The following ATP8A2 variants were observed in gnomAD, a reference collection of about 807,000 sequenced individuals.
ATP8A2 encodes ATPase phospholipid transporting 8A2.
In ATP8A2, 100 loss-of-function variants were observed where a neutral mutation model predicts 165.6. The observed-to-expected ratio is 0.60, with a 90% CI of 0.51 to 0.71. ATP8A2 has a LOEUF of 0.71. Among genes scored for constraint, ATP8A2 ranks in the 30% least tolerant of loss-of-function variants. The pLI is 0.00. For missense variants in ATP8A2, 1,227 were observed against 1,479.5 expected, an observed-to-expected ratio of 0.83 and a Z score of 2.80; for synonymous variants, 543 against 548.8, an observed-to-expected ratio of 0.99 and a Z score of 0.15.
intron 27 of ATP8A2, among the ~76,000 whole-genome samples, chr13:25,801,220 C>T (rs569113195): frequency 6.6e-6 from 1 of 152,168 alleles, no homozygotes; most frequent in African/African-American, 2.4e-5. Context: ...AGTCTGCGCT[C>T]CCTCTTCTGG....
intron 29 of ATP8A2, among the ~76,000 whole-genome samples, chr13:25,839,077 A>T (rs1951695232): frequency 6.6e-6 from 1 of 152,182 alleles, no homozygotes; most frequent in Admixed American, 6.5e-5. Context: ...GCCATGTAAA[A>T]AGTTACAAGT....
intron 24 of ATP8A2, among the ~76,000 whole-genome samples, chr13:25,591,889 G>A (rs948728621): frequency 1.3e-5 from 2 of 152,088 alleles, no homozygotes; most frequent in Non-Finnish European, 2.9e-5. Flanking sequence ...AATTTTTGGG[G>A]ACATATACCC....
intron 2 of ATP8A2, among the ~76,000 whole-genome samples, chr13:25,486,216 G>A (rs1364892895): frequency 3.9e-5 from 6 of 152,096 alleles, no homozygotes; most frequent in Non-Finnish European, 7.4e-5. Context: ...TTTTTATCAT[G>A]TGTCATGCAC....
At chr13:25,411,139 A>C (rs574895431) in intron 1 of ATP8A2, among the ~76,000 whole-genome samples, 2 of 152,340 alleles carry the variant, frequency 1.3e-5, no homozygotes, top group South Asian at 2.1e-4. Context: ...AAACTTATAA[A>C]ATTTTTACAA....
At chr13:25,634,048 A>G (rs1295258128) in intron 24 of ATP8A2, among the ~76,000 whole-genome samples, 1 of 152,200 alleles carries the variant, frequency 6.6e-6, no homozygotes, top group African/African-American at 2.4e-5. Flanking sequence ...GGAAAAACCA[A>G]TTGACTATTA....
At chr13:25,439,568 G>GT (rs2034874035) in intron 1 of ATP8A2, among the ~76,000 whole-genome samples, 1 of 152,136 alleles carries the variant, frequency 6.6e-6, no homozygotes, top group Admixed American at 6.5e-5. Flanking sequence ...GCCACATATG[G>GT]TTTTGTTAAA....
chr13:25,608,267 C>G (rs1210353777), intron 24 of ATP8A2, among the ~76,000 whole-genome samples: 1 of 152,186 alleles, frequency 6.6e-6, no homozygotes, highest in East Asian at 1.9e-4. Flanking sequence ...GGGAGCAAAT[C>G]TCCACATGAG....
intron 10 of ATP8A2, among the ~76,000 whole-genome samples, chr13:25,549,408 C>T (rs561527597): frequency 6.7e-6 from 1 of 148,922 alleles, no homozygotes; most frequent in South Asian, 2.1e-4. Flanking sequence ...TGCAGTGAGC[C>T]GAGATCGCAC....
intron 2 of ATP8A2, among the ~76,000 whole-genome samples, chr13:25,518,938 G>A (rs1424066671): frequency 6.6e-6 from 1 of 152,154 alleles, no homozygotes; most frequent in Non-Finnish European, 1.5e-5. Context: ...CCTCTCCTGG[G>A]AAGCCTCCAG....
intron 1 of ATP8A2, among the ~76,000 whole-genome samples, chr13:25,378,192 A>G (rs2032707070): frequency 1.3e-5 from 2 of 151,744 alleles, no homozygotes; most frequent in African/African-American, 4.8e-5. Flanking sequence ...TGGGCCCAAT[A>G]TTACCATAGA....
intron 35 of ATP8A2, among the ~76,000 whole-genome samples, chr13:26,006,560 C>A (rs955390130): frequency 3.9e-5 from 6 of 151,972 alleles, no homozygotes; most frequent in Non-Finnish European, 8.8e-5. Context: ...AATAGAAGTG[C>A]TGAAAGTTGG....
At chr13:25,921,919 A>G (rs939132456) in intron 33 of ATP8A2, among the ~76,000 whole-genome samples, 2 of 152,228 alleles carry the variant, frequency 1.3e-5, no homozygotes, top group African/African-American at 2.4e-5. Flanking sequence ...TTTTCCTTCT[A>G]TAGTTTATTT....
At chr13:25,794,852 C>CAT (rs1271101148) in intron 27 of ATP8A2, among the ~76,000 whole-genome samples, 1 of 151,210 alleles carries the variant, frequency 6.6e-6, no homozygotes, top group Non-Finnish European at 1.5e-5. Context: ...CACACACACA[C>CAT]ACACACACCT....
In ATP8A2 at chr13:26,009,095, C is replaced by T. The variant is rs148050786; in HGVS notation, c.3378-3436C>T. ...TTTTTTATGGAAGGGAGAAGAATGG[C>T]GAGTATAAGGAATTTATATTTAAGA... On this transcript the variant is annotated intron_variant, in intron 35 of 36. Coordinates refer to ENST00000381655, the MANE Select transcript of ATP8A2 (RefSeq NM_016529.6). Among the ~76,000 whole-genome samples, 952 of 151,912 alleles carry T rather than the reference C, an allele frequency of 6.3e-3. 5 individuals are homozygous for T. The highest frequency in any genetic ancestry group is 0.027 in the Middle Eastern group (8 of 294).
rs559366000 is a variant in ATP8A2 at position 25,710,105 on chromosome 13, C to G, written c.2384+10760C>G. On this transcript the variant is annotated intron_variant, in intron 25 of 36. Coordinates refer to ENST00000381655, the MANE Select transcript of ATP8A2 (RefSeq NM_016529.6). ...GATAATGTTGTGGAGAAGGAGGAGACTTTTATTTTTTTTAATTTTTAATTT... is the reference window on the plus strand; with the variant it reads ...GATAATGTTGTGGAGAAGGAGGAGAGTTTTATTTTTTTTAATTTTTAATTT... Among the ~76,000 whole-genome samples the G allele has an allele frequency of 1.6e-4, 24 of 151,980 alleles. No individual in the cohort carries two copies. The East Asian group carries it at 4.3e-3, about 27-fold the overall frequency.
Position 26,023,498 on chromosome 13 carries a change from G to A in ATP8A2, c.*3513G>A, listed in dbSNP as rs905971757. ...AGTGAAAAATGCGGGGGGGTGGAAA[G>A]AGCCTAGGTAACTAATGTCTTATAA... is the stretch of plus-strand genomic sequence containing the variant. On this transcript the variant is annotated 3_prime_UTR_variant, in exon 37 of 37. Coordinates refer to ENST00000381655, the MANE Select transcript of ATP8A2 (RefSeq NM_016529.6). The A allele has an allele frequency of 2.0e-5, 3 of 152,186 alleles. No individual in the cohort carries two copies. Among genetic ancestry groups the A allele is most frequent in the Non-Finnish European group, 2.9e-5 (2 of 68,052 alleles). 9.4% of individuals were successfully genotyped at this position (152,186 alleles called of 1,614,324 possible).
At chr13:25,924,768 C>T (rs773823400) in intron 33 of ATP8A2, among the ~76,000 whole-genome samples, 21 of 152,096 alleles carry the variant, frequency 1.4e-4, no homozygotes, top group Admixed American at 2.6e-4. Context: ...TGGGAGGACC[C>T]GGTGGGAGGT....
At chr13:25,921,397 C>A (rs1449822048) in intron 33 of ATP8A2, among the ~76,000 whole-genome samples, 10 of 151,390 alleles carry the variant, frequency 6.6e-5, no homozygotes, top group African/African-American at 2.4e-4. Flanking sequence ...GCGGGTGGAT[C>A]ACGAGGTCAG....
chr13:25,566,487 G>A (rs1216535163), intron 16 of ATP8A2, among the ~76,000 whole-genome samples: 2 of 152,198 alleles, frequency 1.3e-5, no homozygotes, highest in African/African-American at 4.8e-5. Flanking sequence ...ACAAAGGTGG[G>A]CAACTGAATA....
Sources: gnomAD v4.1 joint callset for allele counts (sites outside exome capture counted in the v4.1 genomes callset) on GRCh38, gnomAD v4.1.1 for gene constraint, MANE v1.5 for transcripts, NCBI Gene and HGNC (gene_info 2026-07-23, HGNC 2026-07-21) for gene names.